Variants in NCBP1 observed in about 807,000 individuals in gnomAD.
The protein encoded by NCBP1 is nuclear cap-binding protein subunit 1.
NCBP1 carries 16 observed loss-of-function variants against 111.7 expected under a neutral mutation model. The observed-to-expected ratio is 0.14, with a 90% CI of 0.10 to 0.22. NCBP1 has a LOEUF of 0.22. Ranked by LOEUF, NCBP1 falls within the 10% of genes least tolerant of loss-of-function variation. The pLI is 1.00. For synonymous variants in NCBP1, 304 were observed against 314.3 expected, an observed-to-expected ratio of 0.97 and a Z score of 0.35; for missense variants, 607 against 957.5, an observed-to-expected ratio of 0.63 and a Z score of 4.83.
intron 4 of NCBP1, 126 bp downstream of exon 4, chr9:97,643,486 C>G (rs1282945066): frequency 3.8e-6 from 4 of 1,055,194 alleles, no homozygotes; most frequent in Non-Finnish European, 5.3e-6. Context: ...CTTCATAAGC[C>G]ACCTTTATTT....
In NCBP1 at chr9:97,648,221, G is replaced by A; in HGVS notation, c.895G>A (p.Glu299Lys). 6.2e-7 allele frequency: 1 copy of A among 1,613,762 alleles called. No homozygotes were observed. Among genetic ancestry groups the A allele is most frequent in the Non-Finnish European group, 8.5e-7 (1 of 1,179,766 alleles). ...AATGTTTGATTACACAGATGATCCC[G>A]AGGTAAGTGACCGACTAAAAGTCCT... is the stretch of plus-strand genomic sequence containing the variant. ...FRMFDYTDDP[E>K]GPVMPGSHSV... Residue 299 changes from glutamate to lysine, a missense_variant and splice_region_variant, in exon 8 of 23, where the codon GAG (glutamate) becomes AAG (lysine). This residue lies in a region of NCBP1 where 53 missense variants were observed against 144.8 expected (regional missense o/e 0.37). Transcript: ENST00000375147.
chr9:97,647,388 A>G lies in NCBP1; in HGVS notation c.612-104A>G. The G allele has an allele frequency of 5.8e-6, 5 of 857,388 alleles. No homozygotes were observed. In the South Asian group the frequency reaches 6.1e-5, roughly 11 times the overall value. 53.1% of individuals were successfully genotyped at this position (857,388 alleles called of 1,614,324 possible). On this transcript the variant is annotated intron_variant, in intron 6 of 22. Coordinates refer to ENST00000375147, the MANE Select transcript of NCBP1 (RefSeq NM_002486.5). ...TTGATATCTGCCACTCCAGTAGGTAAAATGTTATTTCATTGCTTTAATTTG... is the reference window on the plus strand; with the variant it reads ...TTGATATCTGCCACTCCAGTAGGTAGAATGTTATTTCATTGCTTTAATTTG...
At chr9:97,645,992 C>T (rs546371738) in intron 6 of NCBP1, among the ~76,000 whole-genome samples, 3 of 152,288 alleles carry the variant, frequency 2.0e-5, no homozygotes, top group East Asian at 3.9e-4. Context: ...AGACATAAAA[C>T]ACCCTAGTGC....
chr9:97,665,749 C>G, intron 19 of NCBP1, among the ~76,000 whole-genome samples: 1 of 150,592 alleles, frequency 6.6e-6, no homozygotes, highest in Middle Eastern at 3.4e-3. Flanking sequence ...ACACCGACTT[C>G]GCCCCACCCA....
At chr9:97,665,796 T>C (rs1489320710) in intron 19 of NCBP1, among the ~76,000 whole-genome samples, 1 of 127,558 alleles carries the variant, frequency 7.8e-6, no homozygotes, top group Non-Finnish European at 1.6e-5. Flanking sequence ...CATAGAACTT[T>C]TAACTGCATG....
rs766090854 is a variant in NCBP1, at chr9:97,645,615, G to A, written c.494G>A (p.Arg165Gln). The part of the protein sequence containing the change: ...VTQEEDVPQV[R>Q]RDWYVYAFLS... Reference sequence around the variant, plus strand: ...AACTTTTTAAAAATCCTTTAGGTGCGACGAGATTGGTATGTGTATGCATTT... The same window carrying A: ...AACTTTTTAAAAATCCTTTAGGTGCAACGAGATTGGTATGTGTATGCATTT... Residue 165 changes from arginine (R) to glutamine (Q), a missense_variant, in exon 6 of 23, where the codon CGA becomes CAA. Around this residue, in one of 9 missense-constraint regions of NCBP1, gnomAD observed 185 missense variants for 272.0 expected, o/e 0.68. Transcript: ENST00000375147. The A allele has an allele frequency of 1.7e-5, 27 of 1,612,808 alleles. No homozygotes were observed. Among genetic ancestry groups the A allele is most frequent in the Middle Eastern group, 1.7e-4 (1 of 6,060 alleles).
At chr9:97,666,337 A>C (rs1828000806) in intron 19 of NCBP1, among the ~76,000 whole-genome samples, 1 of 152,226 alleles carries the variant, frequency 6.6e-6, no homozygotes, top group Admixed American at 6.5e-5. Context: ...AGTGTGTGCT[A>C]GTTAAATAAT....
At position 97,640,753 on chromosome 9, in the gene NCBP1, G is replaced by T. The variant is rs769701295; in HGVS notation, c.35-41G>T. The stretch of plus-strand genomic sequence containing the variant: ...AGGTTAAATAAAATTTGTGATAGCA[G>T]ATTTATCATGTAATGTTAATTTTTT... On this transcript the variant is annotated intron_variant, in intron 1 of 22. Transcript: ENST00000375147. The T allele has an allele frequency of 2.7e-6, 4 of 1,478,074 alleles. No homozygotes were observed. In the African/African-American group the frequency reaches 4.3e-5, roughly 16 times the overall value. The allele number at this position is 1,478,074 out of a possible 1,614,324, so 91.6% of individuals were successfully genotyped here.
intron 6 of NCBP1, 100 bp downstream of exon 6, chr9:97,645,832 G>A: frequency 7.1e-7 from 1 of 1,408,750 alleles, no homozygotes; most frequent in Non-Finnish European, 9.7e-7. Flanking sequence ...TAGAGTTCCT[G>A]AAGGTATTTT....
intron 1 of NCBP1, chr9:97,634,656 A>G (rs887135363): frequency 1.3e-5 from 2 of 152,252 alleles, no homozygotes; most frequent in African/African-American, 4.8e-5. Context: ...AACAAAAAAA[A>G]GATGCTTATA....
At chr9:97,661,396 C>A (rs1400048944) in intron 16 of NCBP1, among the ~76,000 whole-genome samples, 1 of 152,128 alleles carries the variant, frequency 6.6e-6, no homozygotes, top group Non-Finnish European at 1.5e-5. Context: ...ATGTTTTCTC[C>A]AAGTTAAGCT....
chr9:97,638,069 T>C (rs770841894), intron 1 of NCBP1, among the ~76,000 whole-genome samples: 1 of 152,212 alleles, frequency 6.6e-6, no homozygotes, highest in Admixed American at 6.5e-5. Flanking sequence ...TTCTTCAGGG[T>C]ACATTGAGCG....
intron 6 of NCBP1, among the ~76,000 whole-genome samples, chr9:97,646,776 G>A (rs1827348214): frequency 6.7e-6 from 1 of 148,468 alleles, no homozygotes; most frequent in Admixed American, 6.9e-5. Context: ...GACGGAGGTT[G>A]CAGTGAGCCG....
chr9:97,637,225 T>C (rs753954004), intron 1 of NCBP1, among the ~76,000 whole-genome samples: 4 of 152,206 alleles, frequency 2.6e-5, no homozygotes, highest in Non-Finnish European at 5.9e-5. Flanking sequence ...CCAATGAAGT[T>C]CATGTAGTAG....
chr9:97,659,914 T>C lies in NCBP1; in HGVS notation c.1478-1032T>C, dbSNP rs138011962. Among the ~76,000 whole-genome samples, 604 of 152,326 alleles carry C rather than the reference T, an allele frequency of 4.0e-3. 2 individuals carry two copies. Among genetic ancestry groups the C allele is most frequent in the Non-Finnish European group, 6.4e-3 (432 of 68,020 alleles). ...CTATTTCTGCCAGGTCCATGTACTTTTTTATTTTTTCCATACTCCCTGTTC... is the reference window on the plus strand; with the variant it reads ...CTATTTCTGCCAGGTCCATGTACTTCTTTATTTTTTCCATACTCCCTGTTC... On this transcript the variant is annotated intron_variant, in intron 15 of 22. Transcript: ENST00000375147.
chr9:97,668,399 C>T (rs1587728574), intron 20 of NCBP1, among the ~76,000 whole-genome samples: 2 of 152,160 alleles, frequency 1.3e-5, no homozygotes, highest in Non-Finnish European at 2.9e-5. Context: ...TCTTAAACAG[C>T]CCACTTTGAA....
chr9:97,654,956 G>A lies in NCBP1; in HGVS notation c.1235+12G>A, dbSNP rs368988960. 1.5e-5 allele frequency: 23 copies of A among 1,562,980 alleles called. No homozygotes were observed. The highest frequency in any genetic ancestry group is 1.8e-5 in the Non-Finnish European group (21 of 1,154,952). ...ACCTGTGTAGACAGGTACAGTAATC[G>A]CTTTACTGCTGAGCTGAGTTAGCAG... On this transcript the variant is annotated intron_variant, in intron 12 of 22. Transcript: ENST00000375147.
At chr9:97,661,947 A>G in intron 16 of NCBP1, 95 bp from the exon 17 acceptor site, 5 of 785,532 alleles carry the variant, frequency 6.4e-6, no homozygotes, top group Middle Eastern at 5.5e-4. Context: ...ATATCTGTGT[A>G]TAGATGTGAG....
rs1828196974 is a variant in NCBP1, at chr9:97,671,624, G to A, written c.*425G>A. ...TGGCTGAAATAAAACTAAAAGTATG[G>A]TTTTTAAACTTTGGCATTTCATGAT... is the stretch of plus-strand genomic sequence containing the variant. On this transcript the variant is annotated 3_prime_UTR_variant, in exon 23 of 23. Coordinates refer to ENST00000375147, the MANE Select transcript of NCBP1 (RefSeq NM_002486.5). 6.5e-6 allele frequency: 1 copy of A among 153,102 alleles called. No homozygotes were observed. The highest frequency in any genetic ancestry group is 2.4e-5 in the African/African-American group (1 of 41,474). The allele number at this position is 153,102 out of a possible 1,614,324, so 9.5% of individuals were successfully genotyped here.
Sources: allele counts gnomAD v4.1 joint callset (sites outside exome capture counted in the v4.1 genomes callset), GRCh38; gene constraint gnomAD v4.1.1; regional missense constraint gnomAD v4.1.1; transcripts MANE v1.5; gene names NCBI Gene and HGNC (gene_info 2026-07-23, HGNC 2026-07-21).